The following CSMD3 variants were observed in gnomAD, a reference collection of about 807,000 sequenced individuals.
CSMD3 encodes CUB and sushi domain-containing protein 3.
A neutral mutation model predicts 435.2 loss-of-function variants in CSMD3; 177 were observed. The observed-to-expected ratio is 0.41, with a 90% CI of 0.36 to 0.46. The LOEUF is 0.46. Among genes scored for constraint, CSMD3 ranks in the 20% least tolerant of loss-of-function variants. The pLI is 0.34. For missense variants in CSMD3, 4,265 were observed against 4,504.6 expected (o/e 0.95, Z 1.52); for synonymous variants, 1,656 against 1,520.5 (o/e 1.09, Z -2.07).
At chr8:113,433,639 TCC>T (rs1233970110) in intron 1 of CSMD3, among the ~76,000 whole-genome samples, 1 of 152,200 alleles carries the variant, frequency 6.6e-6, no homozygotes, top group African/African-American at 2.4e-5. Flanking sequence ...GCACCCGGTC[TCC>T]CACCTGCTGC....
intron 22 of CSMD3, among the ~76,000 whole-genome samples, chr8:112,634,703 A>C (rs1271769750): frequency 1.3e-5 from 2 of 152,036 alleles, no homozygotes; most frequent in Non-Finnish European, 2.9e-5. Flanking sequence ...ATTTATTAAA[A>C]TATATCATAA....
chr8:112,690,131 C>A, intron 13 of CSMD3, 81 bp from the exon 14 acceptor site: 3 of 1,019,070 alleles, frequency 2.9e-6, no homozygotes, highest in Non-Finnish European at 4.6e-6. Flanking sequence ...TAGATATATG[C>A]TCTTTGTTGT....
chr8:113,435,655 T>C (rs1279401876), intron 1 of CSMD3, among the ~76,000 whole-genome samples: 2 of 149,432 alleles, frequency 1.3e-5, no homozygotes, highest in Admixed American at 6.6e-5. Context: ...GATTTGAAAC[T>C]AGCTTCACTG....
intron 7 of CSMD3, among the ~76,000 whole-genome samples, chr8:112,973,405 C>A (rs1169129224): frequency 6.6e-6 from 1 of 151,860 alleles, no homozygotes; most frequent in Non-Finnish European, 1.5e-5. Flanking sequence ...ATTCATTTTA[C>A]AAAATCTATC....
At chr8:112,954,514 A>T (rs986350950) in intron 8 of CSMD3, among the ~76,000 whole-genome samples, 170 bp downstream of exon 8, 1 of 151,596 alleles carries the variant, frequency 6.6e-6, no homozygotes, top group Non-Finnish European at 1.5e-5. Context: ...CATTAAATCA[A>T]TATACATTAA....
At chr8:113,026,334 A>G (rs1223357396) in intron 5 of CSMD3, among the ~76,000 whole-genome samples, 1 of 152,158 alleles carries the variant, frequency 6.6e-6, no homozygotes, top group Non-Finnish European at 1.5e-5. Flanking sequence ...TCTGTGCTTC[A>G]CAGAGATTTC....
intron 61 of CSMD3, among the ~76,000 whole-genome samples, chr8:112,257,200 A>G (rs905662158): frequency 1.3e-5 from 2 of 152,218 alleles, no homozygotes; most frequent in Non-Finnish European, 2.9e-5. Flanking sequence ...AACTGGCACA[A>G]GACAAGGATG....
intron 4 of CSMD3, among the ~76,000 whole-genome samples, chr8:113,128,047 T>C (rs1330616663): frequency 1.3e-5 from 2 of 152,102 alleles, no homozygotes; most frequent in East Asian, 3.9e-4. Flanking sequence ...CTAAGAGAGG[T>C]ATTTTCTTAC....
At chr8:112,368,707 T>C (rs936878874) in intron 38 of CSMD3, among the ~76,000 whole-genome samples, 1 of 152,124 alleles carries the variant, frequency 6.6e-6, no homozygotes, top group Non-Finnish European at 1.5e-5. Flanking sequence ...GAGGAGGTTA[T>C]AAGTAGGGAT....
intron 66 of CSMD3, among the ~76,000 whole-genome samples, chr8:112,240,367 G>A (rs16883290): frequency 0.43 from 64,664 of 151,794 alleles, 15,756 homozygotes; most frequent in African/African-American, 0.68. Flanking sequence ...GAAAATTTGG[G>A]GCATTGATGG....
intron 22 of CSMD3, among the ~76,000 whole-genome samples, chr8:112,590,230 A>G (rs552515010): frequency 1.3e-5 from 2 of 152,222 alleles, no homozygotes; most frequent in East Asian, 3.9e-4. Flanking sequence ...TCCAGTGGAA[A>G]GGATGGATGT....
chr8:112,545,476 C>T (rs1260999824), intron 27 of CSMD3, among the ~76,000 whole-genome samples: 1 of 47,922 alleles, frequency 2.1e-5, no homozygotes, highest in African/African-American at 8.5e-5. Flanking sequence ...GAGCGAGACT[C>T]CATCTCAAAA....
chr8:112,538,363 G>T (rs2131120061), intron 27 of CSMD3, among the ~76,000 whole-genome samples: 1 of 152,136 alleles, frequency 6.6e-6, no homozygotes, highest in Admixed American at 6.6e-5. Context: ...TCAATTAAAT[G>T]AGAGAAAGAA....
intron 3 of CSMD3, among the ~76,000 whole-genome samples, chr8:113,265,589 G>C (rs2093463199): frequency 6.6e-6 from 1 of 151,314 alleles, no homozygotes; most frequent in South Asian, 2.1e-4. Flanking sequence ...ATACCTTCCT[G>C]GATAAAATAT....
chr8:112,954,560 A>C, intron 8 of CSMD3, 124 bp downstream of exon 8: 1 of 674,646 alleles, frequency 1.5e-6, no homozygotes, highest in Non-Finnish European at 2.7e-6. Context: ...TGCATGTTAC[A>C]CAGATATTAA....
chr8:112,887,380 A>C (rs550848392), intron 10 of CSMD3, among the ~76,000 whole-genome samples: 1 of 151,308 alleles, frequency 6.6e-6, no homozygotes, highest in East Asian at 2.0e-4. Flanking sequence ...AATCTAATAG[A>C]GTATTAAAGA....
intron 11 of CSMD3, among the ~76,000 whole-genome samples, chr8:112,851,243 A>G (rs1201103692): frequency 1.3e-5 from 2 of 152,154 alleles, no homozygotes; most frequent in African/African-American, 4.8e-5. Flanking sequence ...CTTTGATTGA[A>G]GTCCCCTCCA....
chr8:112,248,232 C>A (rs1167231871), intron 63 of CSMD3, among the ~76,000 whole-genome samples: 1 of 152,010 alleles, frequency 6.6e-6, no homozygotes, highest in East Asian at 1.9e-4. Flanking sequence ...CTCCACTCCA[C>A]CCCAGGATGA....
intron 50 of CSMD3, chr8:112,310,642 C>G (rs975955801): frequency 5.3e-6 from 2 of 375,966 alleles, no homozygotes; most frequent in Non-Finnish European, 1.0e-5. Flanking sequence ...TCTATTACCT[C>G]TCTGCAGACT....
Sources: allele counts gnomAD v4.1 joint callset (sites outside exome capture counted in the v4.1 genomes callset), GRCh38; gene constraint gnomAD v4.1.1; transcripts MANE v1.5; gene names NCBI Gene and HGNC (gene_info 2026-07-23, HGNC 2026-07-21).